The following EPB41L4A variants were observed in gnomAD, a reference collection of about 807,000 sequenced individuals.
The protein encoded by EPB41L4A is band 4.1-like protein 4A.
A neutral mutation model predicts 108.6 loss-of-function variants in EPB41L4A; 100 were observed. The observed-to-expected ratio is 0.92, with a 90% CI of 0.78 to 1.09. The LOEUF is 1.09. Among genes scored for constraint, EPB41L4A ranks in the 50% least tolerant of loss-of-function variants. The probability of loss-of-function intolerance (pLI) is 0.00; values close to 1 mark genes in which losing one functional copy is unlikely to be tolerated. For missense variants in EPB41L4A, 1,030 were observed against 842.7 expected (o/e 1.22, Z -2.75); for synonymous variants, 319 against 289.0 (o/e 1.10, Z -1.05).
intron 1 of EPB41L4A, among the ~76,000 whole-genome samples, chr5:112,314,724 C>T (rs1408648851): frequency 6.6e-6 from 1 of 151,394 alleles, no homozygotes; most frequent in Non-Finnish European, 1.5e-5. Flanking sequence ...AGCCAGGAGG[C>T]GGAGGTTGCA....
Position 112,205,427 on chromosome 5 carries a change from G to A in EPB41L4A, c.1256C>T (p.Pro419Leu). The A allele has an allele frequency of 6.2e-7, 1 of 1,612,922 alleles. No individual in the cohort carries two copies. The highest frequency in any genetic ancestry group is 8.5e-7 in the Non-Finnish European group (1 of 1,179,122). Reference protein sequence around the residue: ...KSHAPWEENGPQSGLYNSPSD... With the variant: ...KSHAPWEENGLQSGLYNSPSD... ...AAACAATGATTCCCTTTACCTCTGG[G>A]GGCCATTTTCTTCCCACGGTGCATG... The change falls in exon 14 of 23, where the codon CCC becomes CTC. Residue 419 changes from proline (P) to leucine (L), a missense_variant. Pro to Leu is a moderately conservative substitution (Grantham distance 98). Transcript: ENST00000261486.
At chr5:112,194,149 T>C (rs929414440) in intron 17 of EPB41L4A, among the ~76,000 whole-genome samples, 9 of 150,954 alleles carry the variant, frequency 6.0e-5, no homozygotes, top group Admixed American at 2.0e-4. Flanking sequence ...TATATATATA[T>C]ACATAAGCCT....
At chr5:112,382,787 G>A (rs1760256437) in intron 1 of EPB41L4A, among the ~76,000 whole-genome samples, 1 of 152,084 alleles carries the variant, frequency 6.6e-6, no homozygotes, top group Non-Finnish European at 1.5e-5. Flanking sequence ...CCCAGTTGTG[G>A]AATTTTCCTT....
chr5:112,419,724 C>T (rs1440582706), upstream of EPB41L4A: 1 of 456,604 alleles, frequency 2.2e-6, no homozygotes, highest in Admixed American at 2.3e-5. Context: ...GCCGAGGAGC[C>T]GGAAGAGAGG....
chr5:112,229,530 AC>A (rs756993207), intron 12 of EPB41L4A, among the ~76,000 whole-genome samples: 74 of 152,166 alleles, frequency 4.9e-4, no homozygotes, highest in Non-Finnish European at 8.1e-4. Flanking sequence ...TGTACACTGT[AC>A]CCAATGTGTA....
intron 17 of EPB41L4A, among the ~76,000 whole-genome samples, chr5:112,190,215 T>C (rs1761627016): frequency 6.6e-6 from 1 of 152,194 alleles, no homozygotes; most frequent in Non-Finnish European, 1.5e-5. Context: ...GGCATTTTAG[T>C]TTTTAATCCT....
intron 7 of EPB41L4A, among the ~76,000 whole-genome samples, chr5:112,261,471 A>G (rs995974654): frequency 6.6e-6 from 1 of 152,236 alleles, no homozygotes; most frequent in African/African-American, 2.4e-5. Context: ...TACCTGGCTC[A>G]TTTCCTCAAA....
chr5:112,373,651 C>T (rs1263580421), intron 1 of EPB41L4A, among the ~76,000 whole-genome samples: 1 of 152,192 alleles, frequency 6.6e-6, no homozygotes, highest in Non-Finnish European at 1.5e-5. Flanking sequence ...ACTAAACTTG[C>T]CCAGCCAGCA....
chr5:112,319,639 T>C (rs1269024786), intron 1 of EPB41L4A, among the ~76,000 whole-genome samples: 1 of 152,220 alleles, frequency 6.6e-6, no homozygotes, highest in African/African-American at 2.4e-5. Flanking sequence ...TGAGGGACAT[T>C]GTGCAAAATA....
chr5:112,349,687 G>A (rs1757916098), intron 1 of EPB41L4A, among the ~76,000 whole-genome samples: 3 of 152,178 alleles, frequency 2.0e-5, no homozygotes, highest in African/African-American at 7.2e-5. Flanking sequence ...CCCACCATGG[G>A]TGTGGTGAGA....
At chr5:112,419,540 C>T, upstream of EPB41L4A, 1 of 425,312 alleles carries the variant, frequency 2.4e-6, no homozygotes, top group Admixed American at 2.5e-5. Context: ...GAGTCCCCCG[C>T]GGGCGCGCAC....
At chr5:112,362,332 G>A (rs1383612922) in intron 1 of EPB41L4A, among the ~76,000 whole-genome samples, 1 of 148,120 alleles carries the variant, frequency 6.8e-6, no homozygotes, top group East Asian at 2.0e-4. Flanking sequence ...CCAGGCTGCA[G>A]TGCAGTGGCA....
intron 12 of EPB41L4A, among the ~76,000 whole-genome samples, chr5:112,222,080 G>C (rs1406970980): frequency 3.9e-5 from 6 of 152,152 alleles, no homozygotes; most frequent in Non-Finnish European, 5.9e-5. Flanking sequence ...CTCTTGGCTA[G>C]GTAAGATGCC....
chr5:112,382,265 G>T (rs1049968395), intron 1 of EPB41L4A, among the ~76,000 whole-genome samples: 1 of 151,762 alleles, frequency 6.6e-6, no homozygotes, highest in Non-Finnish European at 1.5e-5. Context: ...CACATCATTC[G>T]AAAGTTCTAA....
rs549224881 is a variant in EPB41L4A, at chr5:112,194,222, T to C, written c.1502+346A>G. Among the ~76,000 whole-genome samples the C allele has an allele frequency of 3.3e-5, 5 of 152,302 alleles. No homozygotes were observed. In the East Asian group the frequency reaches 9.6e-4, roughly 29 times the overall value. ...GTTGGGTAAAATATAGTAATGCCAT[T>C]GAAAAGATAGTTCAGGGAGAAATCT... On this transcript the variant is annotated intron_variant, in intron 17 of 22. Transcript: ENST00000261486.
At chr5:112,259,689 G>C (rs980554643) in intron 8 of EPB41L4A, among the ~76,000 whole-genome samples, 2 of 152,204 alleles carry the variant, frequency 1.3e-5, no homozygotes, top group African/African-American at 4.8e-5. Context: ...AGGGAAAAGA[G>C]AGTCTAGAAT....
chr5:112,323,198 A>G (rs987450182), intron 1 of EPB41L4A, among the ~76,000 whole-genome samples: 3 of 152,094 alleles, frequency 2.0e-5, no homozygotes, highest in African/African-American at 4.8e-5. Flanking sequence ...CAAATAAGAC[A>G]TAACTGGAAA....
intron 1 of EPB41L4A, among the ~76,000 whole-genome samples, chr5:112,360,649 T>C (rs956822934): frequency 2.6e-5 from 4 of 152,178 alleles, no homozygotes; most frequent in Admixed American, 1.3e-4. Flanking sequence ...GCCGCCTGCC[T>C]TGGCCTCCCA....
chr5:112,154,487 C>T (rs1379990960), intron 12 of EPB41L4A, among the ~76,000 whole-genome samples: 2 of 152,072 alleles, frequency 1.3e-5, no homozygotes, highest in African/African-American at 2.4e-5. Context: ...AAATCAAATG[C>T]CCACAATAAA....
Sources: allele counts gnomAD v4.1 joint callset (sites outside exome capture counted in the v4.1 genomes callset), GRCh38; gene constraint gnomAD v4.1.1; transcripts MANE v1.5; gene names NCBI Gene and HGNC (gene_info 2026-07-23, HGNC 2026-07-21).